The following KCNH2 variants were observed in gnomAD, a reference collection of about 807,000 sequenced individuals.
KCNH2 encodes the protein voltage-gated inwardly rectifying potassium channel KCNH2.
Under a neutral mutation model 95.9 loss-of-function variants are expected in KCNH2, and 35 were observed. The observed-to-expected ratio is 0.37, with a 90% CI of 0.28 to 0.48. The LOEUF (loss-of-function observed/expected upper bound fraction) is 0.48, where lower values mean the gene tolerates loss of function less well. Among genes scored for constraint, KCNH2 ranks in the 20% least tolerant of loss-of-function variants. The pLI is 0.99. For missense variants in KCNH2, 1,274 were observed against 1,702.9 expected (o/e 0.75, Z 4.43); for synonymous variants, 786 against 754.7 (o/e 1.04, Z -0.68).
chr7:150,965,566 C>T (rs1801680420), intron 2 of KCNH2, among the ~76,000 whole-genome samples: 1 of 152,196 alleles, frequency 6.6e-6, no homozygotes. Context: ...GCCCTTCCCT[C>T]CTGCTCCCCA....
Position 150,957,469 on chromosome 7 carries a change from T to C in KCNH2, c.950A>G (p.Asn317Ser), listed in dbSNP as rs779027664. ...AMHPLRSGLLNSTSDSDLVRY... is the reference protein window; with the variant it reads ...AMHPLRSGLLSSTSDSDLVRY... ...CACGAGGTCGGAGTCCGAGGTGGAG[T>C]TGAGCAAGCCGCTGCGCAGTGGGTG... The change falls in exon 5 of 15, where the codon AAC (asparagine) becomes AGC (serine). Residue 317 changes from asparagine to serine, a missense_variant. Physicochemically the swap from Asn to Ser is conservative, Grantham distance 46. Transcript: ENST00000262186. 6.2e-6 allele frequency: 10 copies of C among 1,613,650 alleles called. No homozygotes were observed. The highest frequency in any genetic ancestry group is 2.7e-5 in the African/African-American group (2 of 74,884).
intron 2 of KCNH2, among the ~76,000 whole-genome samples, chr7:150,974,412 C>T (rs1329563587): frequency 6.6e-6 from 1 of 152,212 alleles, no homozygotes; most frequent in African/African-American, 2.4e-5. Flanking sequence ...ACTTGCTCTA[C>T]GTGCCCACAC....
At chr7:150,964,296 C>T (rs1414238930) in intron 2 of KCNH2, among the ~76,000 whole-genome samples, 1 of 152,212 alleles carries the variant, frequency 6.6e-6, no homozygotes, top group Admixed American at 6.5e-5. Context: ...TAAGCACATC[C>T]GTGCCTGCGA....
chr7:150,948,417 C>CA, intron 11 of KCNH2, 27 bp downstream of exon 11: 1 of 1,038,866 alleles, frequency 9.6e-7, no homozygotes, highest in Non-Finnish European at 1.5e-6. Context: ...TCCCCGCCCT[C>CA]CCCCTTCCTC....
intron 5 of KCNH2, 68 bp downstream of exon 5, chr7:150,957,223 C>A: frequency 7.5e-7 from 1 of 1,339,672 alleles, no homozygotes; most frequent in Non-Finnish European, 1.0e-6. Flanking sequence ...CTCTGGATCA[C>A]AGCCCACTCC....
intron 5 of KCNH2, 51 bp downstream of exon 5, chr7:150,957,240 C>G: frequency 1.4e-6 from 2 of 1,467,510 alleles, no homozygotes; most frequent in Non-Finnish European, 1.9e-6. Flanking sequence ...CTCCCACCCC[C>G]TCTCCAAGCT....
intron 9 of KCNH2, 112 bp downstream of exon 9, chr7:150,950,056 C>G: frequency 6.2e-7 from 1 of 1,611,438 alleles, no homozygotes; most frequent in South Asian, 1.1e-5. Context: ...AGCCCAGTGA[C>G]CCTGCAGGCA....
Position 150,946,818 on chromosome 7 carries a change from G to C in KCNH2, c.3330+59C>G, listed in dbSNP as rs1800906540. The C allele has an allele frequency of 6.7e-7, 1 of 1,497,038 alleles. No homozygotes were observed. Among genetic ancestry groups the C allele is most frequent in the African/African-American group, 1.4e-5 (1 of 72,694 alleles). 92.7% of individuals were successfully genotyped at this position (1,497,038 alleles called of 1,614,324 possible). A position where few individuals can be genotyped will look rare whatever the true frequency, so the allele number is the denominator to read the frequency against. Reference sequence around the variant, plus strand: ...GCAGAAAGGCAGCAAAGCAGGTTTGGGCTGGAATCGGGGAACAAGCGGGTC... The same window carrying C: ...GCAGAAAGGCAGCAAAGCAGGTTTGCGCTGGAATCGGGGAACAAGCGGGTC... On this transcript the variant is annotated intron_variant, in intron 14 of 14. Coordinates refer to ENST00000262186, the MANE Select transcript of KCNH2 (RefSeq NM_000238.4). This position sits in a 1 kb window ranked among gnomAD's most constrained non-coding sequence, Gnocchi z 6.5.
rs1353903727 is a variant in KCNH2 at position 150,949,649 on chromosome 7, C to T, written c.2398+519G>A. The T allele has an allele frequency of 7.1e-6, 8 of 1,123,714 alleles. No homozygotes were observed. In the Admixed American group the frequency reaches 2.3e-4, roughly 32 times the overall value. 69.6% of individuals were successfully genotyped at this position (1,123,714 alleles called of 1,614,324 possible). On this transcript the variant is annotated intron_variant, in intron 9 of 14. Transcript: ENST00000262186. ...CTTGCTATATCTGCCCTGAGGCACA[C>T]AGGGCCGAGGGAAGGACAGGCAAAG...
chr7:150,952,872 G>T lies in KCNH2; in HGVS notation c.1129-19C>A, dbSNP rs758777551. 6.2e-7 allele frequency: 1 copy of T among 1,610,718 alleles called. No homozygotes were observed. Among genetic ancestry groups the T allele is most frequent in the South Asian group, 1.1e-5 (1 of 91,056 alleles). ...ACAGGACCTGCACCCGGGGAAGGCG[G>T]AGGTGTGGGTGAGGCAGGCCATGGG... On this transcript the variant is annotated intron_variant, in intron 5 of 14. Coordinates refer to ENST00000262186, the MANE Select transcript of KCNH2 (RefSeq NM_000238.4). This position sits in a 1 kb window ranked among gnomAD's most constrained non-coding sequence, Gnocchi z 7.3.
In KCNH2 at chr7:150,949,868, A is replaced by G. The variant is rs1470549836; in HGVS notation, c.2398+300T>C. The G allele has an allele frequency of 3.0e-6, 4 of 1,337,138 alleles. No individual in the cohort carries two copies. The East Asian group carries it at 1.1e-4, about 38-fold the overall frequency. The allele number at this position is 1,337,138 out of a possible 1,614,324, so 82.8% of individuals were successfully genotyped here. A position where few individuals can be genotyped will look rare whatever the true frequency, so the allele number is the denominator to read the frequency against. On this transcript the variant is annotated intron_variant, in intron 9 of 14. Coordinates refer to ENST00000262186, the MANE Select transcript of KCNH2 (RefSeq NM_000238.4). The stretch of plus-strand genomic sequence containing the variant: ...CTTCCAGGCTAGCATTTCTTCCTCT[A>G]CTGCCCAGGCTAGAGGATCTAGATT...
chr7:150,947,536 G>C (rs1800950134), intron 12 of KCNH2, 22 bp from the exon 13 acceptor site: 1 of 1,599,798 alleles, frequency 6.3e-7, no homozygotes, highest in Admixed American at 1.7e-5. Context: ...GAGCAGAGCT[G>C]GGTGAGCGGG....
At chr7:150,951,947 C>T in intron 6 of KCNH2, 112 bp from the exon 7 acceptor site, 2 of 965,974 alleles carry the variant, frequency 2.1e-6, no homozygotes, top group Non-Finnish European at 3.0e-6. Flanking sequence ...CCAAAGACTT[C>T]CTAGACCCTC....
rs1802026750 is a variant in KCNH2, at chr7:150,978,179, G to A, written c.-266C>T. The stretch of plus-strand genomic sequence containing the variant: ...GTCTGCCGGCCCCCGCCGAGCCGCG[G>A]GGCCCGCTCCGCCGCGTCCCCGCGC... On this transcript the variant is annotated 5_prime_UTR_variant, in exon 1 of 15. Coordinates refer to ENST00000262186, the MANE Select transcript of KCNH2 (RefSeq NM_000238.4). 2 of 145,904 alleles carry A rather than the reference G, an allele frequency of 1.4e-5. No individual in the cohort carries two copies. Among genetic ancestry groups the A allele is most frequent in the Non-Finnish European group, 3.0e-5 (2 of 65,664 alleles). 9.0% of individuals were successfully genotyped at this position (145,904 alleles called of 1,614,324 possible).
Position 150,958,265 on chromosome 7 carries a change from G to A in KCNH2, c.710C>T (p.Pro237Leu). The change falls in exon 4 of 15, where the codon CCC becomes CTC. Residue 237 changes from proline to leucine, a missense_variant. By Grantham distance (98) the Pro-to-Leu change is moderately conservative. Transcript: ENST00000262186. ...GGGCGCGCTGCGGGGCGGAGAGCCG[G>A]GACCCACCAGCGCACGCCGCTCCTC... The part of the protein sequence containing the change: ...PAEERRALVG[P>L]GSPPRSAPGQ... 6.9e-7 allele frequency: 1 copy of A among 1,446,202 alleles called. No individual in the cohort carries two copies. Among genetic ancestry groups the A allele is most frequent in the Non-Finnish European group, 9.1e-7 (1 of 1,102,914 alleles). 89.6% of individuals were successfully genotyped at this position (1,446,202 alleles called of 1,614,324 possible). A position where few individuals can be genotyped will look rare whatever the true frequency, so the allele number is the denominator to read the frequency against.
intron 9 of KCNH2, chr7:150,949,521 T>C (rs532186394): frequency 1.4e-5 from 11 of 814,744 alleles, no homozygotes; most frequent in African/African-American, 1.8e-5. Context: ...CAGTGTTATG[T>C]AGTGAAACTT....
chr7:150,977,514 C>A (rs761378088), intron 1 of KCNH2, among the ~76,000 whole-genome samples: 1 of 152,130 alleles, frequency 6.6e-6, no homozygotes, highest in Non-Finnish European at 1.5e-5. Flanking sequence ...TCCACGTCCA[C>A]GCACCCAGAG....
Position 150,950,955 on chromosome 7 carries a change from G to A in KCNH2, c.2111C>T (p.Ala704Val), listed in dbSNP as rs1353266782. 1.2e-6 allele frequency: 2 copies of A among 1,614,264 alleles called. No homozygotes were observed. Among genetic ancestry groups the A allele is most frequent in the South Asian group, 1.1e-5 (1 of 91,086 alleles). Reference protein sequence around the residue: ...RQRLEEYFQHAWSYTNGIDMN... With the variant: ...RQRLEEYFQHVWSYTNGIDMN... The stretch of plus-strand genomic sequence containing the variant: ...GTCGATGCCGTTGGTGTAGGACCAG[G>A]CGTGCTGGAAGTACTCCTCGAGGCG... The change falls in exon 8 of 15, where the codon GCC becomes GTC. Residue 704 changes from alanine (A) to valine (V), a missense_variant. Ala to Val is a moderately conservative substitution (Grantham distance 64, BLOSUM62 0). Transcript: ENST00000262186.
At chr7:150,974,640 C>G (rs947361871) in intron 2 of KCNH2, 71 bp downstream of exon 2, 1 of 1,215,182 alleles carries the variant, frequency 8.2e-7, no homozygotes, top group Non-Finnish European at 1.2e-6. Flanking sequence ...CCCACGCACC[C>G]TGCCCCTCGC....
Sources: allele counts gnomAD v4.1 joint callset (sites outside exome capture counted in the v4.1 genomes callset), GRCh38; gene constraint gnomAD v4.1.1; non-coding constraint Gnocchi (gnomAD v3.1); transcripts MANE v1.5; gene names NCBI Gene and HGNC (gene_info 2026-07-23, HGNC 2026-07-21).